The following MAGI2 variants were observed in gnomAD, a reference collection of about 807,000 sequenced individuals.
MAGI2 encodes membrane-associated guanylate kinase, WW and PDZ domain-containing protein 2.
A neutral mutation model predicts 133.3 loss-of-function variants in MAGI2; 35 were observed. The ratio of observed to expected loss-of-function variants is 0.26; its 90% CI spans 0.20 to 0.35. The LOEUF (loss-of-function observed/expected upper bound fraction) is 0.35, where lower values mean the gene tolerates loss of function less well. Ranked by LOEUF, MAGI2 falls within the 10% of genes least tolerant of loss-of-function variation. The probability of loss-of-function intolerance (pLI) is 1.00; values close to 1 mark genes in which losing one functional copy is unlikely to be tolerated. For missense variants in MAGI2, 1,636 were observed against 1,863.4 expected (o/e 0.88, Z 2.25); for synonymous variants, 729 against 710.6 (o/e 1.03, Z -0.41).
intron 3 of MAGI2, among the ~76,000 whole-genome samples, chr7:78,525,201 G>C (rs1328728598): frequency 1.3e-5 from 2 of 152,034 alleles, no homozygotes; most frequent in Non-Finnish European, 2.9e-5. Flanking sequence ...CATTAGTTAA[G>C]ACATTAAGAT....
intron 3 of MAGI2, among the ~76,000 whole-genome samples, chr7:78,599,210 AT>A (rs1242117069): frequency 2.0e-5 from 3 of 152,104 alleles, no homozygotes; most frequent in African/African-American, 7.2e-5. Context: ...CACACACACA[AT>A]CTTATTTCCT....
intron 1 of MAGI2, among the ~76,000 whole-genome samples, chr7:79,330,326 T>C (rs1839984006): frequency 6.6e-6 from 1 of 151,584 alleles, no homozygotes; most frequent in South Asian, 2.1e-4. Flanking sequence ...CCCAAATAGC[T>C]GGGACTACAG....
At chr7:79,048,764 G>C (rs2116968945) in intron 1 of MAGI2, among the ~76,000 whole-genome samples, 1 of 152,032 alleles carries the variant, frequency 6.6e-6, no homozygotes, top group African/African-American at 2.4e-5. Context: ...ACTTGAGGTC[G>C]GGAGTTCGAG....
intron 6 of MAGI2, among the ~76,000 whole-genome samples, chr7:78,432,220 A>G (rs1799861947): frequency 6.6e-6 from 1 of 151,444 alleles, no homozygotes; most frequent in African/African-American, 2.4e-5. Context: ...AAAAAAAAAA[A>G]GGCAAAACTA....
chr7:79,035,924 C>A (rs946641315), intron 1 of MAGI2, among the ~76,000 whole-genome samples: 1 of 152,030 alleles, frequency 6.6e-6, no homozygotes, highest in African/African-American at 2.4e-5. Flanking sequence ...AATGATATTC[C>A]ATGTTGTCAG....
intron 3 of MAGI2, among the ~76,000 whole-genome samples, chr7:78,555,603 A>G (rs1482246666): frequency 6.6e-6 from 1 of 152,144 alleles, no homozygotes; most frequent in Non-Finnish European, 1.5e-5. Context: ...CTGAAGGCTT[A>G]TTGTCTGCAC....
chr7:79,335,441 T>G (rs1840373859), intron 1 of MAGI2, among the ~76,000 whole-genome samples: 1 of 151,978 alleles, frequency 6.6e-6, no homozygotes, highest in Non-Finnish European at 1.5e-5. Context: ...AAATGTACAG[T>G]ATAAATATTG....
At chr7:78,590,916 GA>G (rs1239259186) in intron 3 of MAGI2, among the ~76,000 whole-genome samples, 3 of 152,012 alleles carry the variant, frequency 2.0e-5, no homozygotes, top group African/African-American at 7.2e-5. Context: ...TTATTTCTGA[GA>G]AAAAAGGTAA....
At chr7:79,231,850 G>C (rs1831400871) in intron 1 of MAGI2, among the ~76,000 whole-genome samples, 1 of 151,928 alleles carries the variant, frequency 6.6e-6, no homozygotes, top group African/African-American at 2.4e-5. Flanking sequence ...AGTGGTGAGA[G>C]AGGGCATCCC....
intron 10 of MAGI2, among the ~76,000 whole-genome samples, chr7:78,248,639 C>A (rs1484942396): frequency 6.6e-6 from 1 of 152,026 alleles, no homozygotes; most frequent in Non-Finnish European, 1.5e-5. Context: ...AAAATAGATT[C>A]ATTGGGGAAA....
At chr7:78,150,186 A>C (rs915086210) in intron 16 of MAGI2, among the ~76,000 whole-genome samples, 6 of 152,332 alleles carry the variant, frequency 3.9e-5, no homozygotes, top group Admixed American at 1.3e-4. Context: ...TGGAAACTGG[A>C]CATCAAAAAG....
At chr7:79,168,928 A>C (rs1825244059) in intron 1 of MAGI2, among the ~76,000 whole-genome samples, 1 of 110,040 alleles carries the variant, frequency 9.1e-6, no homozygotes, top group South Asian at 2.8e-4. Context: ...ATATATATAT[A>C]TATATAAATT....
chr7:78,224,521 C>T (rs1266701180), intron 10 of MAGI2, among the ~76,000 whole-genome samples: 3 of 151,924 alleles, frequency 2.0e-5, no homozygotes, highest in Non-Finnish European at 4.4e-5. Context: ...CAAAGATTAG[C>T]CGGGCATGGT....
intron 2 of MAGI2, among the ~76,000 whole-genome samples, chr7:78,740,473 G>A (rs1218762071): frequency 6.6e-6 from 1 of 152,108 alleles, no homozygotes; most frequent in African/African-American, 2.4e-5. Context: ...ATCTTTAATC[G>A]CAGTATTATC....
At chr7:78,931,016 G>C (rs1800069838) in intron 2 of MAGI2, among the ~76,000 whole-genome samples, 1 of 152,044 alleles carries the variant, frequency 6.6e-6, no homozygotes, top group Admixed American at 6.6e-5. Flanking sequence ...TTGCAGATAG[G>C]AGTAGAAGAA....
intron 6 of MAGI2, among the ~76,000 whole-genome samples, chr7:78,482,362 C>A (rs150723924): frequency 6.6e-6 from 1 of 151,950 alleles, no homozygotes; most frequent in Non-Finnish European, 1.5e-5. Context: ...AAAACTGAAA[C>A]GCACTTAGTA....
chr7:78,430,240 C>CTTTTTTTTTTTT lies in MAGI2; in HGVS notation c.1045+59509_1045+59520dup, dbSNP rs545809101. Among the ~76,000 whole-genome samples, 3 of 76,644 alleles carry CTTTTTTTTTTTT rather than the reference C, an allele frequency of 3.9e-5. 1 individual carries two copies. Among genetic ancestry groups the CTTTTTTTTTTTT allele is most frequent in the African/African-American group, 1.7e-4 (3 of 18,014 alleles). The allele number at this position is 76,644 out of a possible 152,430, so 50.3% of individuals were successfully genotyped here. Reference sequence around the variant, plus strand: ...GTATTACTGTCTGTTCTGGAAAAGCCTTTTTTTTTTTTTTTTTTTTTTTTT... The same window carrying CTTTTTTTTTTTT: ...GTATTACTGTCTGTTCTGGAAAAGCCTTTTTTTTTTTTTTTTTTTTTTTTTTTTTTTTTTTTT... On this transcript the variant is annotated intron_variant, in intron 6 of 21. Transcript: ENST00000354212.
intron 2 of MAGI2, among the ~76,000 whole-genome samples, chr7:78,838,485 T>C (rs1210646723): frequency 1.4e-5 from 2 of 146,962 alleles, no homozygotes; most frequent in East Asian, 2.1e-4. Context: ...TAAAAATTAA[T>C]TAAATAAAAG....
At chr7:79,161,185 T>C (rs950716857) in intron 1 of MAGI2, among the ~76,000 whole-genome samples, 7 of 152,210 alleles carry the variant, frequency 4.6e-5, no homozygotes, top group South Asian at 2.1e-4. Context: ...TGCATCTGAC[T>C]GGGGATGTTA....
Sources: gnomAD v4.1 joint callset for allele counts (sites outside exome capture counted in the v4.1 genomes callset) on GRCh38, gnomAD v4.1.1 for gene constraint, MANE v1.5 for transcripts, NCBI Gene and HGNC (gene_info 2026-07-23, HGNC 2026-07-21) for gene names.